RASGEF1C: variants seen among roughly 807,000 people sequenced by gnomAD.
RASGEF1C encodes ras-GEF domain-containing family member 1C.
RASGEF1C carries 27 observed loss-of-function variants against 58.1 expected under a neutral mutation model. The ratio of observed to expected loss-of-function variants is 0.46; its 90% CI spans 0.34 to 0.64. The LOEUF (loss-of-function observed/expected upper bound fraction) is 0.64. Among genes scored for constraint, RASGEF1C ranks in the 30% least tolerant of loss-of-function variants. RASGEF1C has a pLI of 0.01. For synonymous variants in RASGEF1C, 243 were observed against 246.3 expected (o/e 0.99, Z 0.13); for missense variants, 502 against 605.1 (o/e 0.83, Z 1.79).
intron 6 of RASGEF1C, among the ~76,000 whole-genome samples, chr5:180,122,104 T>C (rs1766186135): frequency 1.3e-5 from 2 of 152,138 alleles, no homozygotes; most frequent in Admixed American, 1.3e-4. Context: ...TATTAAATAA[T>C]GTCTTTAAAC....
In RASGEF1C at chr5:180,191,380, G is replaced by A. The variant is rs564854435; in HGVS notation, c.-7+17648C>T. Among the ~76,000 whole-genome samples the A allele has an allele frequency of 3.2e-4, 49 of 151,710 alleles. No individual in the cohort carries two copies. In the South Asian group the frequency reaches 4.4e-3, roughly 14 times the overall value. On this transcript the variant is annotated intron_variant, in intron 1 of 13. Coordinates refer to ENST00000361132, the MANE Select transcript of RASGEF1C (RefSeq NM_175062.4). ...ATTTACTTATTTTTTTTTTTGAGAC[G>A]GAGTCTAGCTCTGTCGCCCAGGCTG...
chr5:180,200,292 G>A (rs10428592), intron 1 of RASGEF1C, among the ~76,000 whole-genome samples: 1 of 145,992 alleles, frequency 6.8e-6, no homozygotes, highest in African/African-American at 2.5e-5. Context: ...TAGATGAAGA[G>A]ATGAAGAGTA....
rs899130877 is a variant in RASGEF1C, at chr5:180,101,387, G to A, written c.*114C>T. 49 of 1,281,504 alleles carry A rather than the reference G, an allele frequency of 3.8e-5. No individual in the cohort carries two copies. Among genetic ancestry groups the A allele is most frequent in the Non-Finnish European group, 4.3e-5 (39 of 911,376 alleles). The allele number at this position is 1,281,504 out of a possible 1,614,324, so 79.4% of individuals were successfully genotyped here. ...GGGGCGGGCAGCAGGCCACAGGGTC[G>A]GCATTTGCAAAATAGTGAGGCACTC... On this transcript the variant is annotated 3_prime_UTR_variant, in exon 14 of 14. Transcript: ENST00000361132.
intron 1 of RASGEF1C, among the ~76,000 whole-genome samples, chr5:180,148,888 G>C (rs1410108455): frequency 1.3e-5 from 2 of 152,026 alleles, no homozygotes; most frequent in Admixed American, 1.3e-4. Flanking sequence ...TTTCTCCTAG[G>C]TAGGCCTTGC....
rs371649587 is a variant in RASGEF1C at position 180,176,770 on chromosome 5, A to G, written c.-7+32258T>C. Among the ~76,000 whole-genome samples, 18 of 152,012 alleles carry G rather than the reference A, an allele frequency of 1.2e-4. No individual in the cohort carries two copies. The East Asian group carries it at 2.7e-3, about 23-fold the overall frequency. On this transcript the variant is annotated intron_variant, in intron 1 of 13. Coordinates refer to ENST00000361132, the MANE Select transcript of RASGEF1C (RefSeq NM_175062.4). The stretch of plus-strand genomic sequence containing the variant: ...ATGGGGTTTCACCATGTTGGCCAGG[A>G]TGGTCTCGATCTCCTGACTTCATGA...
chr5:180,110,619 C>G (rs889914668), intron 12 of RASGEF1C, among the ~76,000 whole-genome samples: 1 of 152,060 alleles, frequency 6.6e-6, no homozygotes, highest in African/African-American at 2.4e-5. Flanking sequence ...GGACCTGCCC[C>G]CTTAGCACGC....
At chr5:180,119,146 G>A (rs1317064435) in intron 8 of RASGEF1C, among the ~76,000 whole-genome samples, 200 bp downstream of exon 8, 2 of 152,244 alleles carry the variant, frequency 1.3e-5, no homozygotes, top group Non-Finnish European at 1.5e-5. Flanking sequence ...GAGGGGGCTG[G>A]GCTTGCCTCA....
At position 180,155,015 on chromosome 5, in the gene RASGEF1C, G is replaced by C. The variant is rs1293572155; in HGVS notation, c.-6-16957C>G. Among the ~76,000 whole-genome samples the C allele has an allele frequency of 6.6e-6, 1 of 152,136 alleles. No homozygotes were observed. Among genetic ancestry groups the C allele is most frequent in the Non-Finnish European group, 1.5e-5 (1 of 68,036 alleles). On this transcript the variant is annotated intron_variant, in intron 1 of 13. Transcript: ENST00000361132. This position sits in a 1 kb window ranked among gnomAD's most constrained non-coding sequence, Gnocchi z 5.2. ...CAGGTGCTGGCACTGGGAGCTGGGG[G>C]ACAACCTGAGTACTTGAAGCCACAG...
chr5:180,190,515 T>C (rs1336680411), intron 1 of RASGEF1C, among the ~76,000 whole-genome samples: 1 of 120,464 alleles, frequency 8.3e-6, no homozygotes. Flanking sequence ...AAAATAATAA[T>C]AATAATAATA....
At chr5:180,202,194 T>TA (rs1253559583) in intron 1 of RASGEF1C, among the ~76,000 whole-genome samples, 1 of 152,044 alleles carries the variant, frequency 6.6e-6, no homozygotes, top group Non-Finnish European at 1.5e-5. Context: ...TAGTGTTCAT[T>TA]AAGGAAATTA....
chr5:180,154,047 C>T (rs1173925678), intron 1 of RASGEF1C, among the ~76,000 whole-genome samples: 1 of 152,202 alleles, frequency 6.6e-6, no homozygotes, highest in Non-Finnish European at 1.5e-5. Context: ...GAGAACTGAC[C>T]AGCCCTGGGC....
At chr5:180,184,947 T>A (rs1264818428) in intron 1 of RASGEF1C, among the ~76,000 whole-genome samples, 1 of 152,190 alleles carries the variant, frequency 6.6e-6, no homozygotes, top group Non-Finnish European at 1.5e-5. Flanking sequence ...CAACCTTAGT[T>A]GAGATTTTTG....
chr5:180,160,518 C>T (rs904884127), intron 1 of RASGEF1C, among the ~76,000 whole-genome samples: 5 of 152,218 alleles, frequency 3.3e-5, no homozygotes, highest in African/African-American at 1.2e-4. Flanking sequence ...GCAAAGCCCC[C>T]CGAACTGCAC....
chr5:180,122,641 T>A (rs1766194319), intron 6 of RASGEF1C, among the ~76,000 whole-genome samples: 1 of 150,450 alleles, frequency 6.6e-6, no homozygotes, highest in Non-Finnish European at 1.5e-5. Context: ...CTCAGGAGGC[T>A]GAGGCAGGAG....
chr5:180,136,701 T>C (rs1243016824), intron 3 of RASGEF1C, 186 bp from the exon 4 acceptor site: 1 of 618,074 alleles, frequency 1.6e-6, no homozygotes, highest in Non-Finnish European at 2.8e-6. Flanking sequence ...GACGGACACA[T>C]TTCTGGGCAG....
intron 1 of RASGEF1C, among the ~76,000 whole-genome samples, chr5:180,172,645 T>C (rs1292359223): frequency 6.6e-6 from 1 of 152,114 alleles, no homozygotes; most frequent in Non-Finnish European, 1.5e-5. Flanking sequence ...CCAGAATCTC[T>C]GCCTGAGGCT....
intron 12 of RASGEF1C, among the ~76,000 whole-genome samples, chr5:180,110,687 G>A (rs1209549494): frequency 6.6e-6 from 1 of 152,204 alleles, no homozygotes; most frequent in Non-Finnish European, 1.5e-5. Context: ...TTAGTGGAGA[G>A]GACAGAAATG....
intron 1 of RASGEF1C, among the ~76,000 whole-genome samples, chr5:180,184,145 C>T (rs1755984108): frequency 6.6e-6 from 1 of 151,268 alleles, no homozygotes; most frequent in African/African-American, 2.4e-5. Flanking sequence ...GCCTGGGCAA[C>T]AGAGCGAGAC....
In RASGEF1C at chr5:180,137,206, C is replaced by T. The variant is rs995145661; in HGVS notation, c.300+384G>A. On this transcript the variant is annotated intron_variant, in intron 3 of 13. Transcript: ENST00000361132. This position sits in a 1 kb window ranked among gnomAD's most constrained non-coding sequence, Gnocchi z 4.1. Reference sequence around the variant, plus strand: ...GGGTCTCTCCCACTAGCGGTAGAGCCCTACCGACGCGTGTGCAATAGAGGC... The same window carrying T: ...GGGTCTCTCCCACTAGCGGTAGAGCTCTACCGACGCGTGTGCAATAGAGGC... Among the ~76,000 whole-genome samples the T allele has an allele frequency of 6.6e-6, 1 of 152,154 alleles. No individual in the cohort carries two copies. Among genetic ancestry groups the T allele is most frequent in the Non-Finnish European group, 1.5e-5 (1 of 68,028 alleles).
Sources: gnomAD v4.1 joint callset for allele counts (sites outside exome capture counted in the v4.1 genomes callset) on GRCh38, gnomAD v4.1.1 for gene constraint, Gnocchi (gnomAD v3.1) non-coding constraint, MANE v1.5 for transcripts, NCBI Gene and HGNC (gene_info 2026-07-23, HGNC 2026-07-21) for gene names.